DPP10: variants seen among roughly 807,000 people sequenced by gnomAD.
The protein encoded by DPP10 is inactive dipeptidyl peptidase 10.
DPP10 carries 33 observed loss-of-function variants against 120.9 expected under a neutral mutation model. That is an observed-to-expected ratio of 0.27 (90% CI 0.21 to 0.37). The LOEUF (loss-of-function observed/expected upper bound fraction) is 0.37, where lower values mean the gene tolerates loss of function less well. Ranked by LOEUF, DPP10 falls within the 10% of genes least tolerant of loss-of-function variation. DPP10 has a pLI of 1.00. For synonymous variants in DPP10, 337 were observed against 326.1 expected, an observed-to-expected ratio of 1.03 and a Z score of -0.36; for missense variants, 816 against 942.8, an observed-to-expected ratio of 0.87 and a Z score of 1.76.
At chr2:114,966,593 T>G (rs1211486746) in intron 1 of DPP10, among the ~76,000 whole-genome samples, 2 of 152,180 alleles carry the variant, frequency 1.3e-5, no homozygotes, top group African/African-American at 4.8e-5. Context: ...TAAACATCTT[T>G]TCTTCACAGA....
chr2:114,722,265 G>A (rs1373735815), intron 1 of DPP10, among the ~76,000 whole-genome samples: 1 of 152,108 alleles, frequency 6.6e-6, no homozygotes, highest in Non-Finnish European at 1.5e-5. Context: ...CCCTAGACTA[G>A]CACTACACTA....
intron 1 of DPP10, among the ~76,000 whole-genome samples, chr2:115,010,411 T>A (rs779903003): frequency 6.6e-6 from 1 of 152,146 alleles, no homozygotes; most frequent in South Asian, 2.1e-4. Context: ...TACACATAAA[T>A]GATGTATTTT....
chr2:114,927,342 G>A (rs530769691), intron 1 of DPP10, among the ~76,000 whole-genome samples: 1 of 151,924 alleles, frequency 6.6e-6, no homozygotes, highest in African/African-American at 2.4e-5. Flanking sequence ...CAAGGTTGAG[G>A]ACATGTCCAT....
At chr2:114,662,722 C>T (rs1390581261) in intron 1 of DPP10, among the ~76,000 whole-genome samples, 1 of 152,144 alleles carries the variant, frequency 6.6e-6, no homozygotes. Flanking sequence ...CAGCCTTTCC[C>T]GCATGGCGCT....
chr2:115,564,895 G>A (rs2080903474), intron 5 of DPP10, among the ~76,000 whole-genome samples: 1 of 152,298 alleles, frequency 6.6e-6, no homozygotes, highest in East Asian at 1.9e-4. Context: ...CTGGAGGTCT[G>A]GAGGCAGGTC....
At chr2:115,221,552 C>T (rs2057160089) in intron 1 of DPP10, among the ~76,000 whole-genome samples, 1 of 152,132 alleles carries the variant, frequency 6.6e-6, no homozygotes. Flanking sequence ...AAAATATTTA[C>T]TATCTGGCCC....
At chr2:114,574,069 A>G (rs568577440) in intron 1 of DPP10, among the ~76,000 whole-genome samples, 21 of 152,300 alleles carry the variant, frequency 1.4e-4, no homozygotes, top group African/African-American at 4.8e-4. Flanking sequence ...TGGATCAGAA[A>G]TATCCTGTTT....
chr2:115,582,078 A>C (rs921788849), intron 5 of DPP10, among the ~76,000 whole-genome samples: 3 of 152,158 alleles, frequency 2.0e-5, no homozygotes, highest in African/African-American at 4.8e-5. Context: ...CACTTGGAAG[A>C]GGGGCAAGCG....
chr2:114,966,019 A>G (rs1699009645), intron 1 of DPP10, among the ~76,000 whole-genome samples: 1 of 151,942 alleles, frequency 6.6e-6, no homozygotes, highest in Non-Finnish European at 1.5e-5. Flanking sequence ...ATAAAGAGGA[A>G]CAAGCAAAGA....
chr2:114,608,200 A>T (rs1692978524), intron 1 of DPP10, among the ~76,000 whole-genome samples: 1 of 152,208 alleles, frequency 6.6e-6, no homozygotes, highest in Non-Finnish European at 1.5e-5. Flanking sequence ...TTCTGAGCAG[A>T]CAAATACGCA....
intron 13 of DPP10, among the ~76,000 whole-genome samples, chr2:115,774,751 A>G (rs1681894100): frequency 6.6e-6 from 1 of 152,202 alleles, no homozygotes; most frequent in Non-Finnish European, 1.5e-5. Flanking sequence ...ATGCAAATAC[A>G]TACCAATAAG....
At chr2:115,368,157 A>G (rs2065188024) in intron 3 of DPP10, among the ~76,000 whole-genome samples, 2 of 152,184 alleles carry the variant, frequency 1.3e-5, no homozygotes, top group African/African-American at 4.8e-5. Context: ...GTTTGTGCTA[A>G]CAAAATCATA....
intron 1 of DPP10, among the ~76,000 whole-genome samples, chr2:115,188,496 G>T (rs1431740534): frequency 6.6e-6 from 1 of 152,142 alleles, no homozygotes; most frequent in African/African-American, 2.4e-5. Context: ...GATATTTTAA[G>T]AAATCAGGCC....
At chr2:115,323,174 A>G (rs2062154404) in intron 2 of DPP10, among the ~76,000 whole-genome samples, 2 of 152,174 alleles carry the variant, frequency 1.3e-5, no homozygotes, top group African/African-American at 4.8e-5. Flanking sequence ...TTTATCAACT[A>G]AGTTTATGTA....
intron 1 of DPP10, among the ~76,000 whole-genome samples, chr2:114,844,082 G>C (rs914466060): frequency 6.6e-6 from 1 of 152,022 alleles, no homozygotes; most frequent in African/African-American, 2.4e-5. Context: ...GCACTGCTTT[G>C]ATCCCTTTTA....
At chr2:115,448,075 C>A (rs2072774560) in intron 3 of DPP10, among the ~76,000 whole-genome samples, 1 of 152,180 alleles carries the variant, frequency 6.6e-6, no homozygotes, top group South Asian at 2.1e-4. Flanking sequence ...AAGATCCACC[C>A]TGTGTGGGGA....
At chr2:115,331,394 C>G (rs143826540) in intron 2 of DPP10, among the ~76,000 whole-genome samples, 69 of 152,274 alleles carry the variant, frequency 4.5e-4, no homozygotes, top group African/African-American at 1.4e-3. Context: ...TTCCTCTTTT[C>G]CTAACTGAAT....
At chr2:115,066,904 A>G (rs1166299272) in intron 1 of DPP10, 2 of 152,224 alleles carry the variant, frequency 1.3e-5, no homozygotes, top group African/African-American at 4.8e-5. Context: ...ACAGGTTTAC[A>G]TATTTTTTTT....
rs779891460 is a variant in DPP10, at chr2:115,273,741, A to G, written c.61-35498A>G. Among the ~76,000 whole-genome samples the G allele has an allele frequency of 3.9e-5, 6 of 152,344 alleles. No homozygotes were observed. In the South Asian group the frequency reaches 8.3e-4, roughly 21 times the overall value. ...AATATGTTACTAGAAATTTGCAATA[A>G]TGTTCTTAAAATTATTAATCTTATT... On this transcript the variant is annotated intron_variant, in intron 1 of 25. Transcript: ENST00000410059.
Sources: gnomAD v4.1 joint callset for allele counts (sites outside exome capture counted in the v4.1 genomes callset) on GRCh38, gnomAD v4.1.1 for gene constraint, MANE v1.5 for transcripts, NCBI Gene and HGNC (gene_info 2026-07-23, HGNC 2026-07-21) for gene names.